The following TRIO variants were observed in gnomAD, a reference collection of about 807,000 sequenced individuals.
The protein encoded by TRIO is trio Rho guanine nucleotide exchange factor, also known as triple functional domain protein.
TRIO carries 58 observed loss-of-function variants against 351.9 expected under a neutral mutation model. The observed-to-expected ratio is 0.16, with a 90% CI of 0.13 to 0.21. TRIO has a LOEUF of 0.21. Among genes scored for constraint, TRIO ranks in the 10% least tolerant of loss-of-function variants. The probability of loss-of-function intolerance (pLI) is 1.00; values close to 1 mark genes in which losing one functional copy is unlikely to be tolerated. For synonymous variants in TRIO, 1,758 were observed against 1,595.7 expected (o/e 1.10, Z -2.42); for missense variants, 3,201 against 4,027.8 (o/e 0.79, Z 5.56).
At chr5:14,478,061 C>T (rs575243588) in intron 41 of TRIO, among the ~76,000 whole-genome samples, 2 of 152,224 alleles carry the variant, frequency 1.3e-5, no homozygotes, top group African/African-American at 2.4e-5. Flanking sequence ...TAGTTTGTGT[C>T]AATCATTCTT....
At chr5:14,480,479 G>A (rs1224885258) in intron 43 of TRIO, among the ~76,000 whole-genome samples, 4 of 152,024 alleles carry the variant, frequency 2.6e-5, no homozygotes, top group Admixed American at 2.6e-4. Context: ...AATCTTCTTG[G>A]AACCTTGGAT....
At chr5:14,351,856 G>T (rs1161914071) in intron 11 of TRIO, among the ~76,000 whole-genome samples, 1 of 152,190 alleles carries the variant, frequency 6.6e-6, no homozygotes, top group Non-Finnish European at 1.5e-5. Context: ...CCAGCTTAGG[G>T]CCCTGATCCT....
At chr5:14,493,098 GTTGTTTGTTTGT>G (rs71599626) in intron 49 of TRIO, among the ~76,000 whole-genome samples, 1 of 152,280 alleles carries the variant, frequency 6.6e-6, no homozygotes, top group East Asian at 1.9e-4. Context: ...TCAAGAAAGT[GTTGTTTGTTTGT>G]TTGTTTGTTT....
chr5:14,508,077 C>T lies in TRIO; in HGVS notation c.8949C>T (p.Tyr2983=), dbSNP rs199903389. The change falls in exon 57 of 57, where the codon TAC becomes TAT. Residue 2983 remains tyrosine, a synonymous_variant. Coordinates refer to ENST00000344204, the MANE Select transcript of TRIO (RefSeq NM_007118.4). The stretch of plus-strand genomic sequence containing the variant: ...CGTGGAGTGTTGGAGTGCTCACATA[C>T]GTACTTCTTAGTGGCGTGTCCCCCT... ...SDTWSVGVLT[Y]VLLSGVSPFL... 90 of 1,614,104 alleles carry T rather than the reference C, an allele frequency of 5.6e-5. No homozygotes were observed. The highest frequency in any genetic ancestry group is 3.0e-4 in the South Asian group (27 of 91,092).
chr5:14,242,941 G>A (rs1442870924), intron 1 of TRIO, among the ~76,000 whole-genome samples: 1 of 152,204 alleles, frequency 6.6e-6, no homozygotes, highest in Admixed American at 6.5e-5. Flanking sequence ...AAGGTAAATT[G>A]CAGGTGAGCT....
chr5:14,393,920 T>C (rs995923427), intron 27 of TRIO, 118 bp from the exon 28 acceptor site: 5 of 556,306 alleles, frequency 9.0e-6, no homozygotes, highest in African/African-American at 7.6e-5. Context: ...AACTTTATTA[T>C]TTCAGCATGA....
Position 14,497,075 on chromosome 5 carries a change from G to A in TRIO, c.8019+58G>A, listed in dbSNP as rs1756949508. On this transcript the variant is annotated intron_variant, in intron 50 of 56. Coordinates refer to ENST00000344204, the MANE Select transcript of TRIO (RefSeq NM_007118.4). This position sits in a 1 kb window ranked among gnomAD's most constrained non-coding sequence, Gnocchi z 4.4. ...TCCCAGCATGAGAGAAAGGATCAGG[G>A]AGGGCAGAGACTCTGCAGACCTGAA... The A allele has an allele frequency of 6.3e-7, 1 of 1,598,710 alleles. No individual in the cohort carries two copies. The highest frequency in any genetic ancestry group is 1.1e-5 in the South Asian group (1 of 88,856).
chr5:14,498,586 A>G lies in TRIO; in HGVS notation c.8278A>G (p.Ile2760Val). 2 of 1,614,202 alleles carry G rather than the reference A, an allele frequency of 1.2e-6. No homozygotes were observed. The highest frequency in any genetic ancestry group is 2.2e-5 in the South Asian group (2 of 91,084). Residue 2760 changes from isoleucine to valine, a missense_variant, in exon 53 of 57, where the codon ATC becomes GTC. By Grantham distance (29) the Ile-to-Val change is conservative. Around this residue, in one of 19 missense-constraint regions of TRIO, gnomAD observed 1,089 missense variants for 954.9 expected, o/e 1.14. Transcript: ENST00000344204. The part of the protein sequence containing the change: ...TTEDDGIYTC[I>V]AVNDMGSASS... ...GGAAGATGACGGCATCTACACGTGC[A>G]TCGCTGTCAATGACATGGGTTCAGC...
intron 12 of TRIO, 42 bp downstream of exon 12, chr5:14,358,389 C>T (rs1426806052): frequency 6.2e-7 from 1 of 1,603,358 alleles, no homozygotes; most frequent in Admixed American, 1.7e-5. Flanking sequence ...ATTCTGAAAC[C>T]CTGCCTGTGA....
At position 14,472,574 on chromosome 5, in the gene TRIO, A is replaced by T. The variant is rs1754768501; in HGVS notation, c.5913-18A>T. Reference sequence around the variant, plus strand: ...TTAGAAAACAGTTTGCATGATAAACAATATTTTTTCTCTCCAGCTACGTTT... The same window carrying T: ...TTAGAAAACAGTTTGCATGATAAACTATATTTTTTCTCTCCAGCTACGTTT... On this transcript the variant is annotated intron_variant, in intron 38 of 56. Coordinates refer to ENST00000344204, the MANE Select transcript of TRIO (RefSeq NM_007118.4). The T allele has an allele frequency of 6.2e-7, 1 of 1,613,516 alleles. No homozygotes were observed. Among genetic ancestry groups the T allele is most frequent in the Admixed American group, 1.7e-5 (1 of 59,962 alleles).
chr5:14,214,380 C>T (rs1236017705), intron 1 of TRIO, among the ~76,000 whole-genome samples: 1 of 152,100 alleles, frequency 6.6e-6, no homozygotes, highest in Non-Finnish European at 1.5e-5. Flanking sequence ...GCTGTTTGTC[C>T]AAGACTCACA....
intron 9 of TRIO, among the ~76,000 whole-genome samples, chr5:14,326,414 A>G (rs1440406443): frequency 1.3e-5 from 2 of 152,206 alleles, no homozygotes; most frequent in Non-Finnish European, 2.9e-5. Flanking sequence ...AGCTGTTTCA[A>G]GTGTGCACGG....
chr5:14,471,553 T>A, intron 38 of TRIO, 87 bp downstream of exon 38: 1 of 1,559,264 alleles, frequency 6.4e-7, no homozygotes, highest in Non-Finnish European at 8.7e-7. Context: ...GATTCAGCTC[T>A]GAATTACCGA....
intron 34 of TRIO, among the ~76,000 whole-genome samples, chr5:14,459,352 TACTTG>T (rs1753602692): frequency 1.3e-5 from 2 of 152,312 alleles, no homozygotes; most frequent in African/African-American, 2.4e-5. Context: ...CTCACAAGAT[TACTTG>T]ACTTGAGAAG....
At position 14,509,175 on chromosome 5, in the gene TRIO, C is replaced by G. The variant is rs1757924658; in HGVS notation, c.*753C>G. 3.9e-6 allele frequency: 1 copy of G among 254,860 alleles called. No individual in the cohort carries two copies. Among genetic ancestry groups the G allele is most frequent in the Non-Finnish European group, 7.7e-6 (1 of 130,392 alleles). The allele number at this position is 254,860 out of a possible 1,614,324, so 15.8% of individuals were successfully genotyped here. On this transcript the variant is annotated 3_prime_UTR_variant, in exon 57 of 57. Coordinates refer to ENST00000344204, the MANE Select transcript of TRIO (RefSeq NM_007118.4). The stretch of plus-strand genomic sequence containing the variant: ...ACTGCCCCTCCCCCTGTTCCTGCCC[C>G]AAGCCGTCAATCAGATTGTGGAGCA...
intron 40 of TRIO, among the ~76,000 whole-genome samples, chr5:14,474,433 T>C (rs1377317310): frequency 1.3e-5 from 2 of 152,222 alleles, no homozygotes; most frequent in African/African-American, 4.8e-5. Flanking sequence ...ATTCTTCATC[T>C]GCACACCCAC....
At chr5:14,220,700 C>T (rs1466535773) in intron 1 of TRIO, among the ~76,000 whole-genome samples, 1 of 152,228 alleles carries the variant, frequency 6.6e-6, no homozygotes, top group African/African-American at 2.4e-5. Context: ...ACAGCATTCC[C>T]TTTAGACAAA....
At chr5:14,391,299 T>G (rs1747061907) in intron 27 of TRIO, among the ~76,000 whole-genome samples, 1 of 152,200 alleles carries the variant, frequency 6.6e-6, no homozygotes, top group Non-Finnish European at 1.5e-5. Flanking sequence ...ACTATTTATA[T>G]TCAATACATT....
At chr5:14,254,728 C>T (rs150672280) in intron 1 of TRIO, among the ~76,000 whole-genome samples, 1 of 152,316 alleles carries the variant, frequency 6.6e-6, no homozygotes, top group African/African-American at 2.4e-5. Flanking sequence ...GGGCTCCTCT[C>T]GGACCCTCAT....
Sources: allele counts gnomAD v4.1 joint callset (sites outside exome capture counted in the v4.1 genomes callset), GRCh38; gene constraint gnomAD v4.1.1; regional missense constraint gnomAD v4.1.1; non-coding constraint Gnocchi (gnomAD v3.1); transcripts MANE v1.5; gene names NCBI Gene and HGNC (gene_info 2026-07-23, HGNC 2026-07-21).